Variants in SMAD5 observed in about 807,000 individuals in gnomAD.
SMAD5 encodes the protein MAD, mothers against decapentaplegic homolog 5.
SMAD5 carries 9 observed loss-of-function variants against 43.1 expected under a neutral mutation model. That is an observed-to-expected ratio of 0.21 (90% CI 0.13 to 0.36). The LOEUF (loss-of-function observed/expected upper bound fraction) is 0.36. SMAD5 is among the 10% of genes least tolerant of loss of function. The pLI, the probability that SMAD5 is intolerant of heterozygous loss-of-function variation, is 1.00. For missense variants in SMAD5, 348 were observed against 574.0 expected (o/e 0.61, Z 4.02); for synonymous variants, 190 against 192.4 (o/e 0.99, Z 0.10).
At chr5:136,160,225 A>G (rs762215839) in intron 3 of SMAD5, among the ~76,000 whole-genome samples, 2 of 152,238 alleles carry the variant, frequency 1.3e-5, no homozygotes, top group Non-Finnish European at 2.9e-5. Flanking sequence ...ACCATATTCA[A>G]TATGGAAAAC....
chr5:136,176,657 T>C (rs1754432444), intron 7 of SMAD5, among the ~76,000 whole-genome samples: 1 of 152,054 alleles, frequency 6.6e-6, no homozygotes, highest in Admixed American at 6.6e-5. Flanking sequence ...AGAGTTAATA[T>C]TGTACTATTT....
chr5:136,161,202 A>G, intron 4 of SMAD5, 95 bp downstream of exon 4: 1 of 1,041,202 alleles, frequency 9.6e-7, no homozygotes, highest in Non-Finnish European at 1.4e-6. Flanking sequence ...GTTACATGCC[A>G]AGGTATAATA....
At chr5:136,153,078 A>G (rs1359344814) in intron 2 of SMAD5, among the ~76,000 whole-genome samples, 1 of 152,152 alleles carries the variant, frequency 6.6e-6, no homozygotes, top group East Asian at 1.9e-4. Context: ...TACAATTTGC[A>G]TCTAATAATG....
intron 2 of SMAD5, among the ~76,000 whole-genome samples, chr5:136,150,788 T>C (rs1362357673): frequency 6.6e-6 from 1 of 152,052 alleles, no homozygotes; most frequent in African/African-American, 2.4e-5. Context: ...TGCTAATGAT[T>C]AGAATTCATG....
intron 3 of SMAD5, 64 bp from the exon 4 acceptor site, chr5:136,160,792 T>G: frequency 1.3e-6 from 2 of 1,532,326 alleles, no homozygotes; most frequent in Non-Finnish European, 1.8e-6. Context: ...TACCAACCCC[T>G]TAGTGTGGAT....
intron 1 of SMAD5, among the ~76,000 whole-genome samples, chr5:136,136,736 G>A (rs1390155824): frequency 6.6e-6 from 1 of 151,934 alleles, no homozygotes; most frequent in Non-Finnish European, 1.5e-5. Context: ...TCTCTCTGTC[G>A]CCCAGGCTGG....
intron 6 of SMAD5, 106 bp from the exon 7 acceptor site, chr5:136,174,269 TG>T: frequency 9.9e-7 from 1 of 1,013,306 alleles, no homozygotes; most frequent in Non-Finnish European, 1.5e-6. Context: ...TAAAGACTGC[TG>T]GAAGTTTGCT....
At chr5:136,160,262 T>A in intron 3 of SMAD5, among the ~76,000 whole-genome samples, 1 of 152,136 alleles carries the variant, frequency 6.6e-6, no homozygotes, top group East Asian at 1.9e-4. Flanking sequence ...AAACATGAGA[T>A]CTTTCAAACT....
intron 1 of SMAD5, among the ~76,000 whole-genome samples, chr5:136,138,598 G>C (rs1208163696): frequency 6.6e-6 from 1 of 152,176 alleles, no homozygotes; most frequent in Non-Finnish European, 1.5e-5. Flanking sequence ...GGTGGTGGTG[G>C]TTGTCTACTT....
chr5:136,149,507 A>T (rs191960999), intron 2 of SMAD5, among the ~76,000 whole-genome samples: 3 of 150,040 alleles, frequency 2.0e-5, no homozygotes, highest in African/African-American at 7.3e-5. Flanking sequence ...AAGTGTAGCC[A>T]TTCTGGTAGG....
intron 3 of SMAD5, among the ~76,000 whole-genome samples, chr5:136,158,216 G>C (rs1753705376): frequency 6.6e-6 from 1 of 151,638 alleles, no homozygotes; most frequent in African/African-American, 2.4e-5. Flanking sequence ...CAAGTAATCA[G>C]AACAAAGGAT....
At chr5:136,161,678 A>G (rs890225593) in intron 4 of SMAD5, among the ~76,000 whole-genome samples, 19 of 152,314 alleles carry the variant, frequency 1.2e-4, no homozygotes, top group Admixed American at 5.9e-4. Context: ...GAGAAAGATA[A>G]GTAGATTTTG....
At chr5:136,166,024 A>G (rs1287118010) in intron 5 of SMAD5, among the ~76,000 whole-genome samples, 1 of 152,076 alleles carries the variant, frequency 6.6e-6, no homozygotes, top group Non-Finnish European at 1.5e-5. Context: ...TGGATGTACC[A>G]TTTTATATTC....
Position 136,163,286 on chromosome 5 carries a change from C to G in SMAD5, c.670C>G (p.Pro224Ala). 2.5e-6 allele frequency: 4 copies of G among 1,609,362 alleles called. No homozygotes were observed. The highest frequency in any genetic ancestry group is 3.4e-6 in the Non-Finnish European group (4 of 1,177,514). Residue 224 changes from proline to alanine, a missense_variant, in exon 5 of 8, where the codon CCT becomes GCT. Pro to Ala is a conservative substitution (Grantham distance 27). This residue lies in a region of SMAD5 where 185 missense variants were observed against 207.0 expected (regional missense o/e 0.89). Transcript: ENST00000545279. Reference sequence around the variant, plus strand: ...TTTCCTCTTAGCTGATACGCCTCCTCCTGCCTATATGCCACCTGATGATCA... The same window carrying G: ...TTTCCTCTTAGCTGATACGCCTCCTGCTGCCTATATGCCACCTGATGATCA... The part of the protein sequence containing the change: ...PFQLPADTPP[P>A]AYMPPDDQMG...
In SMAD5 at chr5:136,181,073, A is replaced by AT. The variant is rs1561664401; in HGVS notation, c.*3594dup. On this transcript the variant is annotated 3_prime_UTR_variant, in exon 8 of 8. Coordinates refer to ENST00000545279, the MANE Select transcript of SMAD5 (RefSeq NM_005903.7). The stretch of plus-strand genomic sequence containing the variant: ...AACTCTAAAAAGTTTGATAGTACCT[A>AT]TCAAAGTGCTGTACTTCTGTGATAG... The AT allele has an allele frequency of 6.6e-6, 1 of 152,166 alleles. No homozygotes were observed. Among genetic ancestry groups the AT allele is most frequent in the East Asian group, 1.9e-4 (1 of 5,198 alleles). The allele number at this position is 152,166 out of a possible 1,614,324, so 9.4% of individuals were successfully genotyped here. A position where few individuals can be genotyped will look rare whatever the true frequency, so the allele number is the denominator to read the frequency against.
At chr5:136,159,891 T>G (rs1340384796) in intron 3 of SMAD5, among the ~76,000 whole-genome samples, 1 of 152,200 alleles carries the variant, frequency 6.6e-6, no homozygotes, top group Admixed American at 6.5e-5. Context: ...AAAAACAAAC[T>G]CATTTTGTTG....
In SMAD5 at chr5:136,179,942, T is replaced by A. The variant is rs1399247597; in HGVS notation, c.*2462T>A. On this transcript the variant is annotated 3_prime_UTR_variant, in exon 8 of 8. Transcript: ENST00000545279. The stretch of plus-strand genomic sequence containing the variant: ...AATTAAAAATTGTTTTTATTTGGGG[T>A]CATTATGTCACAGTCTTGAGTTAAC... The A allele has an allele frequency of 6.6e-6, 1 of 152,198 alleles. No homozygotes were observed. The highest frequency in any genetic ancestry group is 1.5e-5 in the Non-Finnish European group (1 of 68,018). The allele number at this position is 152,198 out of a possible 1,614,324, so 9.4% of individuals were successfully genotyped here.
chr5:136,176,773 A>G (rs1282911189), intron 7 of SMAD5, among the ~76,000 whole-genome samples: 1 of 152,026 alleles, frequency 6.6e-6, no homozygotes, highest in Non-Finnish European at 1.5e-5. Context: ...ATCTTATAAT[A>G]CAGTTAAAAT....
chr5:136,173,711 T>C (rs1186338003), intron 6 of SMAD5, among the ~76,000 whole-genome samples: 2 of 151,934 alleles, frequency 1.3e-5, no homozygotes, highest in African/African-American at 2.4e-5. Flanking sequence ...AGTTTTGGGG[T>C]GGTGGAGGGA....
Sources: gnomAD v4.1 joint callset for allele counts (sites outside exome capture counted in the v4.1 genomes callset) on GRCh38, gnomAD v4.1.1 for gene constraint, gnomAD v4.1.1 regional missense constraint, MANE v1.5 for transcripts, NCBI Gene and HGNC (gene_info 2026-07-23, HGNC 2026-07-21) for gene names.